The following SFSWAP variants were observed in gnomAD, a reference collection of about 807,000 sequenced individuals.
SFSWAP encodes the protein splicing factor SWAP, also known as splicing factor, suppressor of white-apricot homolog.
In SFSWAP, 17 loss-of-function variants were observed where a neutral mutation model predicts 100.7. That is an observed-to-expected ratio of 0.17 (90% CI 0.12 to 0.25). The LOEUF (loss-of-function observed/expected upper bound fraction) is 0.25, where lower values mean the gene tolerates loss of function less well. Ranked by LOEUF, SFSWAP falls within the 10% of genes least tolerant of loss-of-function variation. SFSWAP has a pLI of 1.00. For missense variants in SFSWAP, 1,005 were observed against 1,262.6 expected (o/e 0.80, Z 3.09); for synonymous variants, 504 against 510.1 (o/e 0.99, Z 0.16).
At chr12:131,715,748 G>A (rs915804761) in intron 3 of SFSWAP, among the ~76,000 whole-genome samples, 1 of 147,118 alleles carries the variant, frequency 6.8e-6, no homozygotes, top group Non-Finnish European at 1.5e-5. Flanking sequence ...ACATTCAAAT[G>A]TTTACATTAC....
intron 5 of SFSWAP, 88 bp from the exon 6 acceptor site, chr12:131,726,852 A>G: frequency 1.2e-6 from 1 of 821,866 alleles, no homozygotes; most frequent in South Asian, 1.5e-5. Flanking sequence ...AACCAAGATA[A>G]CTTGGCTGCT....
chr12:131,769,719 C>T (rs565959304), intron 13 of SFSWAP, among the ~76,000 whole-genome samples: 59 of 152,236 alleles, frequency 3.9e-4, no homozygotes, highest in African/African-American at 1.3e-3. Flanking sequence ...CTCCGCCTCC[C>T]GGGTTCACAC....
intron 14 of SFSWAP, among the ~76,000 whole-genome samples, chr12:131,782,551 C>T (rs1473287906): frequency 2.6e-5 from 4 of 152,182 alleles, no homozygotes; most frequent in Non-Finnish European, 5.9e-5. Context: ...TTCATGACTG[C>T]TGCCAGCCCA....
At chr12:131,786,871 A>G (rs1457307780) in intron 15 of SFSWAP, among the ~76,000 whole-genome samples, 2 of 152,192 alleles carry the variant, frequency 1.3e-5, no homozygotes, top group Non-Finnish European at 2.9e-5. Flanking sequence ...GGCTGGGTCC[A>G]CATGCAGCTG....
chr12:131,794,109 C>G lies in SFSWAP; in HGVS notation c.2535-3069C>G, dbSNP rs975952144. Reference sequence around the variant, plus strand: ...CCGAAAACTGGAAACAACCAAATCTCTATTAACAGGAGAATGAATCAACAG... The same window carrying G: ...CCGAAAACTGGAAACAACCAAATCTGTATTAACAGGAGAATGAATCAACAG... On this transcript the variant is annotated intron_variant, in intron 15 of 17. Coordinates refer to ENST00000261674, the MANE Select transcript of SFSWAP (RefSeq NM_004592.4). This position sits in a 1 kb window ranked among gnomAD's most constrained non-coding sequence, Gnocchi z 4.8. Among the ~76,000 whole-genome samples, 1 of 152,222 alleles carries G rather than the reference C, an allele frequency of 6.6e-6. No homozygotes were observed. The highest frequency in any genetic ancestry group is 6.5e-5 in the Admixed American group (1 of 15,284).
chr12:131,711,701 C>T lies in SFSWAP; in HGVS notation c.218+254C>T, dbSNP rs952444370. 3 of 487,648 alleles carry T rather than the reference C, an allele frequency of 6.2e-6. No homozygotes were observed. Among genetic ancestry groups the T allele is most frequent in the Non-Finnish European group, 3.7e-6 (1 of 269,904 alleles). The allele number at this position is 487,648 out of a possible 1,614,324, so 30.2% of individuals were successfully genotyped here. ...GATCGTCTCTGGTCCCGCAGCCCCT[C>T]TCGACCCCTCACCCTGTCGCTGGGC... is the stretch of plus-strand genomic sequence containing the variant. On this transcript the variant is annotated intron_variant, in intron 1 of 17. Transcript: ENST00000261674. This position sits in a 1 kb window ranked among gnomAD's most constrained non-coding sequence, Gnocchi z 4.9.
chr12:131,751,367 C>G (rs923931252), intron 7 of SFSWAP, among the ~76,000 whole-genome samples: 1 of 152,234 alleles, frequency 6.6e-6, no homozygotes, highest in African/African-American at 2.4e-5. Context: ...AGGGGTGAGA[C>G]TGACTGTCCA....
rs943980767 is a variant in SFSWAP, at chr12:131,799,663, A to G, written c.*175A>G. ...TTCTGACCAGCAGTCTCTTACCTGT[A>G]TATTTGTAAATATATCATGTTTCTG... On this transcript the variant is annotated 3_prime_UTR_variant, in exon 18 of 18. Transcript: ENST00000261674. 8.5e-6 allele frequency: 5 copies of G among 589,598 alleles called. No individual in the cohort carries two copies. In the South Asian group the frequency reaches 8.7e-5, roughly 10 times the overall value. 36.5% of individuals were successfully genotyped at this position (589,598 alleles called of 1,614,324 possible).
intron 15 of SFSWAP, among the ~76,000 whole-genome samples, chr12:131,795,616 G>T (rs1471466181): frequency 3.3e-5 from 5 of 152,048 alleles, no homozygotes; most frequent in Non-Finnish European, 5.9e-5. Flanking sequence ...AATGCATGAA[G>T]TCCGGAGGCC....
rs1243944186 is a variant in SFSWAP, at chr12:131,730,592, G to A, written c.1081+2164G>A. ...CAGGGGTGGCATTGTGAGCTGTCTG[G>A]GTCAGAAGGCTTGGTACATTCCCAA... On this transcript the variant is annotated intron_variant, in intron 7 of 17. Coordinates refer to ENST00000261674, the MANE Select transcript of SFSWAP (RefSeq NM_004592.4). The surrounding 1 kb of genome is among the most constrained non-coding windows in gnomAD (Gnocchi z 4.0). 6.6e-6 allele frequency among the ~76,000 whole-genome samples: 1 copy of A among 152,160 alleles called. No individual in the cohort carries two copies. Among genetic ancestry groups the A allele is most frequent in the Non-Finnish European group, 1.5e-5 (1 of 68,032 alleles).
In SFSWAP at chr12:131,734,936, T is replaced by A. The variant is rs1879861431; in HGVS notation, c.1081+6508T>A. On this transcript the variant is annotated intron_variant, in intron 7 of 17. Coordinates refer to ENST00000261674, the MANE Select transcript of SFSWAP (RefSeq NM_004592.4). This position sits in a 1 kb window ranked among gnomAD's most constrained non-coding sequence, Gnocchi z 4.9. ...GGTGGGGCAGTGAGGGGGGGCCCGC[T>A]CCGAGAGACAGACAGGTCAGGCCGG... Among the ~76,000 whole-genome samples the A allele has an allele frequency of 6.6e-6, 1 of 151,954 alleles. No homozygotes were observed. The highest frequency in any genetic ancestry group is 1.5e-5 in the Non-Finnish European group (1 of 67,984).
At chr12:131,766,093 C>G (rs747094013) in intron 12 of SFSWAP, 25 bp from the exon 13 acceptor site, 6 of 1,579,124 alleles carry the variant, frequency 3.8e-6, no homozygotes, top group African/African-American at 1.4e-5. Flanking sequence ...CTAAACTTCT[C>G]TTTTTTCTTT....
chr12:131,715,295 A>G (rs1192916890), intron 3 of SFSWAP, among the ~76,000 whole-genome samples: 1 of 152,114 alleles, frequency 6.6e-6, no homozygotes, highest in East Asian at 1.9e-4. Context: ...GTTAACTGGG[A>G]TAAGTTAACA....
chr12:131,798,491 G>A (rs1885836457), intron 16 of SFSWAP, among the ~76,000 whole-genome samples: 1 of 151,978 alleles, frequency 6.6e-6, no homozygotes, highest in Non-Finnish European at 1.5e-5. Flanking sequence ...TTTTTCCTTT[G>A]TGTTTAAGGT....
chr12:131,764,290 C>T (rs1882924677), intron 11 of SFSWAP, among the ~76,000 whole-genome samples, 166 bp from the exon 12 acceptor site: 1 of 152,230 alleles, frequency 6.6e-6, no homozygotes, highest in African/African-American at 2.4e-5. Context: ...TGCACATCTG[C>T]ACAGGTCTGC....
intron 13 of SFSWAP, among the ~76,000 whole-genome samples, chr12:131,777,354 CGTT>C (rs914854803): frequency 3.3e-5 from 5 of 152,118 alleles, no homozygotes; most frequent in Admixed American, 1.3e-4. Context: ...CATGTGTTCT[CGTT>C]GTTCAGTTCC....
chr12:131,795,785 G>C (rs1885594928), intron 15 of SFSWAP, among the ~76,000 whole-genome samples: 2 of 151,360 alleles, frequency 1.3e-5, no homozygotes, highest in African/African-American at 2.4e-5. Context: ...CCCCAGGAGA[G>C]AGTCAGACAC....
At chr12:131,721,451 T>C (rs1366579486) in intron 4 of SFSWAP, among the ~76,000 whole-genome samples, 1 of 152,212 alleles carries the variant, frequency 6.6e-6, no homozygotes, top group Non-Finnish European at 1.5e-5. Context: ...ATATGTTTAT[T>C]ATGCATGAGA....
At chr12:131,713,754 C>T (rs1300680749) in intron 1 of SFSWAP, 3 of 192,344 alleles carry the variant, frequency 1.6e-5, no homozygotes, top group Non-Finnish European at 3.2e-5. Context: ...TTGACCAAAC[C>T]ATAATGGTAA....
Sources: allele counts gnomAD v4.1 joint callset (sites outside exome capture counted in the v4.1 genomes callset), GRCh38; gene constraint gnomAD v4.1.1; non-coding constraint Gnocchi (gnomAD v3.1); transcripts MANE v1.5; gene names NCBI Gene and HGNC (gene_info 2026-07-23, HGNC 2026-07-21).